Variants in LMO7 observed in about 807,000 individuals in gnomAD.
LMO7 encodes LIM domain only protein 7.
A neutral mutation model predicts 206.5 loss-of-function variants in LMO7; 120 were observed. The observed-to-expected ratio is 0.58, with a 90% CI of 0.50 to 0.68. The LOEUF (loss-of-function observed/expected upper bound fraction) is 0.68, where lower values mean the gene tolerates loss of function less well. LMO7 is among the 30% of genes least tolerant of loss of function. The pLI, the probability that LMO7 is intolerant of heterozygous loss-of-function variation, is 0.00. For synonymous variants in LMO7, 706 were observed against 681.5 expected (o/e 1.04, Z -0.56); for missense variants, 1,959 against 1,957.9 (o/e 1.00, Z -0.01).
intron 2 of LMO7, among the ~76,000 whole-genome samples, chr13:75,626,595 A>ATATATATATATATATTTTTTTTTTTT: frequency 1.4e-5 from 1 of 71,100 alleles, no homozygotes; most frequent in Non-Finnish European, 3.6e-5. Flanking sequence ...ATATATATAA[A>ATATATATATATATATTTTTTTTTTTT]TTTTTTTGAG....
intron 3 of LMO7, among the ~76,000 whole-genome samples, chr13:75,732,589 A>T (rs1444421025): frequency 6.6e-6 from 1 of 152,028 alleles, no homozygotes; most frequent in African/African-American, 2.4e-5. Flanking sequence ...TGTAGCTCGG[A>T]GTAGTTTGAT....
intron 1 of LMO7, among the ~76,000 whole-genome samples, chr13:75,655,637 T>TTATATATATATATA (rs67966172): frequency 2.3e-4 from 31 of 134,732 alleles, no homozygotes; most frequent in African/African-American, 5.0e-4. Context: ...TTCATGGATT[T>TTATATATATATATA]TATATATATA....
At chr13:75,810,891 A>G (rs969510284) in intron 11 of LMO7, among the ~76,000 whole-genome samples, 6 of 152,228 alleles carry the variant, frequency 3.9e-5, no homozygotes, top group African/African-American at 1.4e-4. Flanking sequence ...ATTTTTCTGG[A>G]TTAGAGCTAA....
chr13:75,653,105 T>A (rs2139160835), intron 1 of LMO7, among the ~76,000 whole-genome samples: 1 of 152,294 alleles, frequency 6.6e-6, no homozygotes, highest in Middle Eastern at 3.4e-3. Flanking sequence ...AAATGATCAA[T>A]GCCCAGTATG....
intron 2 of LMO7, among the ~76,000 whole-genome samples, chr13:75,715,963 T>G (rs2043498043): frequency 6.6e-6 from 1 of 152,196 alleles, no homozygotes; most frequent in South Asian, 2.1e-4. Context: ...GATCCCAAGT[T>G]TTAGGTGAAA....
chr13:75,760,043 G>A (rs1283306972), intron 3 of LMO7, among the ~76,000 whole-genome samples: 1 of 150,934 alleles, frequency 6.6e-6, no homozygotes, highest in Non-Finnish European at 1.5e-5. Context: ...CCCATAAAGT[G>A]TTTTCTTTTC....
At chr13:75,808,701 A>G (rs899456973) in intron 10 of LMO7, among the ~76,000 whole-genome samples, 1 of 152,214 alleles carries the variant, frequency 6.6e-6, no homozygotes, top group African/African-American at 2.4e-5. Context: ...TGAAGTTCAG[A>G]GTAAACGTTG....
intron 1 of LMO7, among the ~76,000 whole-genome samples, chr13:75,696,039 C>G (rs200395076): frequency 6.6e-6 from 1 of 152,168 alleles, no homozygotes; most frequent in Non-Finnish European, 1.5e-5. Flanking sequence ...GATTTCATGC[C>G]TGATTTCCTT....
Position 75,821,075 on chromosome 13 carries a change from A to G in LMO7, c.2208-102A>G. 3.8e-6 allele frequency: 3 copies of G among 783,828 alleles called. No homozygotes were observed. The South Asian group carries it at 5.6e-5, about 15-fold the overall frequency. 48.6% of individuals were successfully genotyped at this position (783,828 alleles called of 1,614,324 possible). On this transcript the variant is annotated intron_variant, in intron 13 of 30. Coordinates refer to ENST00000377534, the MANE Select transcript of LMO7 (RefSeq NM_001306080.2). ...GTATTGATTCTTGTGTGAAGTTAGC[A>G]TCATTTTATTCCCAGTCCGTTTCAT...
intron 3 of LMO7, among the ~76,000 whole-genome samples, chr13:75,744,486 A>G (rs2139264121): frequency 6.6e-6 from 1 of 152,322 alleles, no homozygotes; most frequent in East Asian, 1.9e-4. Flanking sequence ...GGTAAAAATA[A>G]TTGTTTCAGT....
In LMO7 at chr13:75,781,131, T is replaced by G. The variant is rs2051334601; in HGVS notation, c.318-14270T>G. 4.1e-5 allele frequency among the ~76,000 whole-genome samples: 6 copies of G among 146,644 alleles called. No homozygotes were observed. In the South Asian group the frequency reaches 6.5e-4, roughly 16 times the overall value. Reference sequence around the variant, plus strand: ...TTTTTTTTTTTTTTGCTTTTTTTTTTCTTTTATTATTATACTTTAAGTTTT... The same window carrying G: ...TTTTTTTTTTTTTTGCTTTTTTTTTGCTTTTATTATTATACTTTAAGTTTT... On this transcript the variant is annotated intron_variant, in intron 4 of 30. Coordinates refer to ENST00000377534, the MANE Select transcript of LMO7 (RefSeq NM_001306080.2).
In LMO7 at chr13:75,843,414, C is replaced by A. The variant is rs1871028764; in HGVS notation, c.4097+498C>A. 2.6e-5 allele frequency among the ~76,000 whole-genome samples: 4 copies of A among 152,306 alleles called. No homozygotes were observed. The South Asian group carries it at 8.3e-4, about 32-fold the overall frequency. On this transcript the variant is annotated intron_variant, in intron 25 of 30. Coordinates refer to ENST00000377534, the MANE Select transcript of LMO7 (RefSeq NM_001306080.2). ...ACAGGTCGTGGAGAAGAGAAGAACACTGCCTCTTTATGGTAGGAATCACAT... is the reference window on the plus strand; with the variant it reads ...ACAGGTCGTGGAGAAGAGAAGAACAATGCCTCTTTATGGTAGGAATCACAT...
Position 75,835,283 on chromosome 13 carries a change from G to GA in LMO7, c.3282dup (p.Ser1095IlefsTer9). Reference sequence around the variant, plus strand: ...TGCAACTTCTGGAATTTACAACTCAGAAAAATCTTCAAATCTATCTGTAAC... The same window carrying GA: ...TGCAACTTCTGGAATTTACAACTCAGAAAAAATCTTCAAATCTATCTGTAAC... On this transcript the variant is annotated frameshift_variant, in exon 18 of 31. Coordinates refer to ENST00000377534, the MANE Select transcript of LMO7 (RefSeq NM_001306080.2). LOFTEE classifies it high-confidence loss of function. The GA allele has an allele frequency of 6.2e-7, 1 of 1,610,660 alleles. No individual in the cohort carries two copies. Among genetic ancestry groups the GA allele is most frequent in the Non-Finnish European group, 8.5e-7 (1 of 1,178,438 alleles).
intron 2 of LMO7, among the ~76,000 whole-genome samples, chr13:75,716,139 T>C (rs1173831014): frequency 1.3e-5 from 2 of 152,174 alleles, no homozygotes; most frequent in Non-Finnish European, 2.9e-5. Context: ...AAAGATTTTC[T>C]TAATATTTCA....
intron 3 of LMO7, among the ~76,000 whole-genome samples, chr13:75,751,450 G>A (rs1233148192): frequency 4.6e-5 from 7 of 152,002 alleles, no homozygotes; most frequent in South Asian, 2.1e-4. Flanking sequence ...ATGAGCCACC[G>A]CACCTGACCA....
intron 14 of LMO7, among the ~76,000 whole-genome samples, chr13:75,823,223 T>C (rs2057780359): frequency 6.6e-6 from 1 of 152,206 alleles, no homozygotes; most frequent in East Asian, 1.9e-4. Flanking sequence ...TTACACCATC[T>C]TGATATGTAA....
rs1390040129 is a variant in LMO7 at position 75,859,398 on chromosome 13, ATTAT to A, written c.*1460_*1463del. 6.6e-6 allele frequency: 1 copy of A among 152,170 alleles called. No individual in the cohort carries two copies. Among genetic ancestry groups the A allele is most frequent in the Non-Finnish European group, 1.5e-5 (1 of 68,028 alleles). 9.4% of individuals were successfully genotyped at this position (152,170 alleles called of 1,614,324 possible). A position where few individuals can be genotyped will look rare whatever the true frequency, so the allele number is the denominator to read the frequency against. On this transcript the variant is annotated 3_prime_UTR_variant, in exon 31 of 31. Transcript: ENST00000377534. ...TGTGTTTGAATTCATTCTGCATATA[ATTAT>A]TTATAAGTATAGATTGTGAATTTTT...
intron 1 of LMO7, among the ~76,000 whole-genome samples, chr13:75,686,198 C>T (rs1205453952): frequency 6.6e-6 from 1 of 151,922 alleles, no homozygotes; most frequent in African/African-American, 2.4e-5. Flanking sequence ...AAGGACATAC[C>T]CAAGACTTGG....
chr13:75,664,208 C>A (rs543969662), intron 1 of LMO7, among the ~76,000 whole-genome samples: 1 of 151,850 alleles, frequency 6.6e-6, no homozygotes, highest in East Asian at 1.9e-4. Context: ...TTAATTTTTA[C>A]CTCCCACAAA....
Sources: allele counts gnomAD v4.1 joint callset (sites outside exome capture counted in the v4.1 genomes callset), GRCh38; gene constraint gnomAD v4.1.1; transcripts MANE v1.5; gene names NCBI Gene and HGNC (gene_info 2026-07-23, HGNC 2026-07-21).